The following SMYD3 variants were observed in gnomAD, a reference collection of about 807,000 sequenced individuals.
SMYD3 encodes the protein SET and MYND domain containing 3, also known as histone-lysine N-methyltransferase SMYD3.
Under a neutral mutation model 57.7 loss-of-function variants are expected in SMYD3, and 36 were observed. That is an observed-to-expected ratio of 0.62 (90% CI 0.48 to 0.82). SMYD3 has a LOEUF of 0.82. Among genes scored for constraint, SMYD3 ranks in the 40% least tolerant of loss-of-function variants. The pLI, the probability that SMYD3 is intolerant of heterozygous loss-of-function variation, is 0.00. For missense variants in SMYD3, 515 were observed against 538.8 expected (o/e 0.96, Z 0.44); for synonymous variants, 211 against 195.0 (o/e 1.08, Z -0.68).
intron 5 of SMYD3, among the ~76,000 whole-genome samples, chr1:246,001,434 A>T (rs2059042085): frequency 6.6e-6 from 1 of 152,146 alleles, no homozygotes; most frequent in African/African-American, 2.4e-5. Flanking sequence ...TCCTTGCTCC[A>T]GGTACTATGG....
chr1:246,219,872 G>A (rs1385576194), intron 5 of SMYD3, among the ~76,000 whole-genome samples: 1 of 152,118 alleles, frequency 6.6e-6, no homozygotes, highest in African/African-American at 2.4e-5. Context: ...ATCCGACTGA[G>A]TGGGGTTCAC....
intron 5 of SMYD3, among the ~76,000 whole-genome samples, chr1:246,136,053 A>G (rs535176295): frequency 7.2e-5 from 11 of 152,310 alleles, no homozygotes. Flanking sequence ...TAGATCAGAG[A>G]GTTATTGGTA....
chr1:246,360,109 CAA>C (rs1218455546), intron 1 of SMYD3, among the ~76,000 whole-genome samples: 4 of 152,192 alleles, frequency 2.6e-5, no homozygotes, highest in African/African-American at 7.2e-5. Flanking sequence ...ATGAATTCAG[CAA>C]AGTTTCAGGA....
chr1:246,013,180 T>G (rs1194285526), intron 5 of SMYD3, among the ~76,000 whole-genome samples: 1 of 152,202 alleles, frequency 6.6e-6, no homozygotes, highest in Non-Finnish European at 1.5e-5. Context: ...TGCATTATTT[T>G]ATTTTATTAT....
At chr1:246,155,305 G>A (rs900338499) in intron 5 of SMYD3, among the ~76,000 whole-genome samples, 1 of 152,112 alleles carries the variant, frequency 6.6e-6, no homozygotes, top group Non-Finnish European at 1.5e-5. Flanking sequence ...TTGCTCCACA[G>A]CAAATTCCAA....
chr1:246,286,497 T>C (rs566649792), intron 5 of SMYD3, among the ~76,000 whole-genome samples: 2 of 152,336 alleles, frequency 1.3e-5, no homozygotes, highest in South Asian at 4.1e-4. Flanking sequence ...TTCCTGAGTA[T>C]AACACAAGAC....
chr1:246,069,383 G>C (rs1331126111), intron 5 of SMYD3, among the ~76,000 whole-genome samples: 1 of 152,094 alleles, frequency 6.6e-6, no homozygotes, highest in Non-Finnish European at 1.5e-5. Flanking sequence ...ACATAAAACA[G>C]AACAATACTG....
chr1:245,804,934 C>T (rs1474322034), intron 10 of SMYD3, among the ~76,000 whole-genome samples: 1 of 152,182 alleles, frequency 6.6e-6, no homozygotes, highest in African/African-American at 2.4e-5. Context: ...CAAAGATACC[C>T]ACCACATACA....
chr1:246,171,167 C>T (rs1256721067), intron 5 of SMYD3, among the ~76,000 whole-genome samples: 1 of 152,128 alleles, frequency 6.6e-6, no homozygotes, highest in Non-Finnish European at 1.5e-5. Flanking sequence ...AGAACCAATG[C>T]TGTCTGTGTA....
At chr1:246,346,358 G>C (rs1026714881) in intron 2 of SMYD3, among the ~76,000 whole-genome samples, 14 of 152,036 alleles carry the variant, frequency 9.2e-5, no homozygotes, top group African/African-American at 3.1e-4. Flanking sequence ...CACTACTAAA[G>C]GCCTATTTAC....
chr1:245,893,515 T>C (rs879471395), intron 8 of SMYD3, among the ~76,000 whole-genome samples: 1 of 152,278 alleles, frequency 6.6e-6, no homozygotes, highest in East Asian at 1.9e-4. Context: ...GGAATACTAC[T>C]TGGCAATAAA....
intron 3 of SMYD3, among the ~76,000 whole-genome samples, chr1:246,330,842 A>C (rs1031278932): frequency 9.9e-5 from 15 of 152,236 alleles, no homozygotes; most frequent in African/African-American, 3.1e-4. Context: ...GTCAGTAAAC[A>C]ATAGGAAAAG....
At position 246,288,062 on chromosome 1, in the gene SMYD3, C is replaced by CTTTTTTTTTTT. The variant is rs67603439; in HGVS notation, c.531+39128_531+39138dup. On this transcript the variant is annotated intron_variant, in intron 5 of 11. Coordinates refer to ENST00000490107, the MANE Select transcript of SMYD3 (RefSeq NM_001167740.2). Reference sequence around the variant, plus strand: ...GTTTTTGAAATGCCATCAGGTAATTCTTTTTTTTTTTTTTTTTTTTTTTTT... The same window carrying CTTTTTTTTTTT: ...GTTTTTGAAATGCCATCAGGTAATTCTTTTTTTTTTTTTTTTTTTTTTTTTTTTTTTTTTTT... 1.2e-3 allele frequency among the ~76,000 whole-genome samples: 78 copies of CTTTTTTTTTTT among 64,206 alleles called. 4 individuals are homozygous for CTTTTTTTTTTT. Among genetic ancestry groups the CTTTTTTTTTTT allele is most frequent in the African/African-American group, 1.7e-3 (25 of 15,008 alleles). The allele number at this position is 64,206 out of a possible 152,430, so 42.1% of individuals were successfully genotyped here. A position where few individuals can be genotyped will look rare whatever the true frequency, so the allele number is the denominator to read the frequency against.
At chr1:246,058,953 C>T (rs113795217) in intron 5 of SMYD3, among the ~76,000 whole-genome samples, 1 of 151,530 alleles carries the variant, frequency 6.6e-6, no homozygotes, top group Non-Finnish European at 1.5e-5. Flanking sequence ...CCGCTCACTG[C>T]CAGCTCCGCC....
At chr1:246,281,094 A>G (rs553694756) in intron 5 of SMYD3, among the ~76,000 whole-genome samples, 1 of 152,372 alleles carries the variant, frequency 6.6e-6, no homozygotes, top group East Asian at 1.9e-4. Context: ...TTCTAATCAC[A>G]GCACCTGCCC....
chr1:246,188,600 T>C (rs1336294968), intron 5 of SMYD3, among the ~76,000 whole-genome samples: 1 of 152,092 alleles, frequency 6.6e-6, no homozygotes, highest in East Asian at 1.9e-4. Context: ...ACATTTGTGG[T>C]TGACATTTTT....
chr1:246,130,664 T>A (rs1231731225), intron 5 of SMYD3, among the ~76,000 whole-genome samples: 1 of 152,198 alleles, frequency 6.6e-6, no homozygotes, highest in African/African-American at 2.4e-5. Flanking sequence ...TTAAAAGCAG[T>A]AGTTACATGC....
chr1:246,120,954 C>T (rs2061415328), intron 5 of SMYD3, among the ~76,000 whole-genome samples: 1 of 152,202 alleles, frequency 6.6e-6, no homozygotes, highest in Non-Finnish European at 1.5e-5. Context: ...ACAAAAATGA[C>T]TACATGAAGG....
chr1:245,837,064 T>C (rs973777313), intron 10 of SMYD3, among the ~76,000 whole-genome samples: 3 of 151,838 alleles, frequency 2.0e-5, no homozygotes, highest in African/African-American at 7.3e-5. Flanking sequence ...ATGCCAGTAG[T>C]TGGGCGCAGT....
Sources: allele counts gnomAD v4.1 joint callset (sites outside exome capture counted in the v4.1 genomes callset), GRCh38; gene constraint gnomAD v4.1.1; transcripts MANE v1.5; gene names NCBI Gene and HGNC (gene_info 2026-07-23, HGNC 2026-07-21).